Variants in ABHD18 observed in about 807,000 individuals in gnomAD.
ABHD18 encodes abhydrolase domain containing 18.
ABHD18 carries 55 observed loss-of-function variants against 65.9 expected under a neutral mutation model. The observed-to-expected ratio is 0.84, with a 90% CI of 0.67 to 1.05. The LOEUF is 1.05. ABHD18 is among the 50% of genes least tolerant of loss of function. The pLI is 0.00. For synonymous variants in ABHD18, 181 were observed against 180.2 expected, an observed-to-expected ratio of 1.00 and a Z score of -0.04; for missense variants, 533 against 558.5, an observed-to-expected ratio of 0.95 and a Z score of 0.46.
chr4:127,967,549 T>G (rs1745858332), intron 1 of ABHD18, among the ~76,000 whole-genome samples: 1 of 152,156 alleles, frequency 6.6e-6, no homozygotes, highest in South Asian at 2.1e-4. Flanking sequence ...TTAAGGTGGC[T>G]TACTCAAGGT....
rs551864924 is a variant in ABHD18 at position 128,016,104 on chromosome 4, C to T, written c.471-1259C>T. Among the ~76,000 whole-genome samples the T allele has an allele frequency of 2.6e-5, 4 of 151,966 alleles. No homozygotes were observed. The South Asian group carries it at 8.3e-4, about 31-fold the overall frequency. ...GAGTAGCTGAGATTACAGGCGCGTGCCACCACGCCCAGCTAATTTTTGTAT... is the reference window on the plus strand; with the variant it reads ...GAGTAGCTGAGATTACAGGCGCGTGTCACCACGCCCAGCTAATTTTTGTAT... On this transcript the variant is annotated intron_variant, in intron 7 of 12. Transcript: ENST00000645843.
intron 1 of ABHD18, among the ~76,000 whole-genome samples, chr4:127,973,855 A>G (rs1186816645): frequency 2.0e-5 from 3 of 149,118 alleles, no homozygotes; most frequent in African/African-American, 7.4e-5. Flanking sequence ...ATTGAAGCTC[A>G]TAGTCCCACA....
chr4:128,023,776 C>T (rs1042104512), intron 10 of ABHD18, among the ~76,000 whole-genome samples: 1 of 152,066 alleles, frequency 6.6e-6, no homozygotes, highest in Non-Finnish European at 1.5e-5. Flanking sequence ...CCCAGCTACT[C>T]GGGAGGCTGA....
At chr4:127,974,205 T>TG (rs1560818140) in intron 1 of ABHD18, among the ~76,000 whole-genome samples, 3 of 145,382 alleles carry the variant, frequency 2.1e-5, no homozygotes, top group African/African-American at 7.7e-5. Context: ...TTTTTTTTTT[T>TG]TTTTTTTTTT....
At chr4:127,987,536 C>T (rs1367519230) in intron 3 of ABHD18, among the ~76,000 whole-genome samples, 1 of 151,604 alleles carries the variant, frequency 6.6e-6, no homozygotes, top group Non-Finnish European at 1.5e-5. Flanking sequence ...CTGGCAAAAC[C>T]CCATCTCTAC....
At chr4:128,018,142 C>A (rs547004506) in intron 8 of ABHD18, among the ~76,000 whole-genome samples, 4 of 152,264 alleles carry the variant, frequency 2.6e-5, no homozygotes, top group African/African-American at 9.6e-5. Context: ...AGCTGTGACA[C>A]CCAGCCTTAC....
In ABHD18 at chr4:128,017,210, G is replaced by T. The variant is rs1324957928; in HGVS notation, c.471-153G>T. ...TGGGATTACAGGCGTAAGCCATCAC[G>T]CCTGGCCCTAATTCCAATTTATTAC... On this transcript the variant is annotated intron_variant, in intron 7 of 12. Transcript: ENST00000645843. The T allele has an allele frequency of 7.3e-6, 5 of 689,358 alleles. No individual in the cohort carries two copies. In the Admixed American group the frequency reaches 8.7e-5, roughly 12 times the overall value. 42.7% of individuals were successfully genotyped at this position (689,358 alleles called of 1,614,324 possible).
chr4:127,980,191 T>G (rs1424712259), intron 1 of ABHD18, among the ~76,000 whole-genome samples: 1 of 152,118 alleles, frequency 6.6e-6, no homozygotes, highest in Non-Finnish European at 1.5e-5. Flanking sequence ...ATTAATGGTA[T>G]TATTTTGGAA....
intron 1 of ABHD18, among the ~76,000 whole-genome samples, chr4:127,973,521 G>A (rs1011974718): frequency 2.0e-5 from 3 of 151,946 alleles, no homozygotes; most frequent in African/African-American, 7.3e-5. Context: ...TTTCTAAGGT[G>A]GCCCTCAAGA....
chr4:128,030,360 C>T (rs909806233), intron 11 of ABHD18, 150 bp from the exon 12 acceptor site: 3 of 481,144 alleles, frequency 6.2e-6, no homozygotes, highest in Non-Finnish European at 1.0e-5. Context: ...ATATTTATCT[C>T]GTACTGGAGA....
chr4:127,970,026 A>G (rs1277417546), intron 1 of ABHD18, among the ~76,000 whole-genome samples: 2 of 151,656 alleles, frequency 1.3e-5, no homozygotes, highest in Admixed American at 6.6e-5. Context: ...TAGGATTACA[A>G]TCATGAGCCA....
chr4:127,970,944 A>G (rs1471202101), intron 1 of ABHD18, among the ~76,000 whole-genome samples: 1 of 151,814 alleles, frequency 6.6e-6, no homozygotes, highest in African/African-American at 2.4e-5. Flanking sequence ...AAGTGGTGGT[A>G]CATGCCTGTA....
chr4:128,014,179 C>T (rs988634495), intron 7 of ABHD18, among the ~76,000 whole-genome samples: 28 of 151,752 alleles, frequency 1.8e-4, no homozygotes, highest in African/African-American at 6.5e-4. Context: ...GACAGGGTTT[C>T]TCCATGTTGG....
chr4:128,006,065 T>G (rs1193849597), intron 4 of ABHD18, among the ~76,000 whole-genome samples: 1 of 152,188 alleles, frequency 6.6e-6, no homozygotes, highest in Non-Finnish European at 1.5e-5. Flanking sequence ...CAGTCAGCTG[T>G]GGCAGAGGAG....
At position 127,979,429 on chromosome 4, in the gene ABHD18, C is replaced by A. The variant is rs113449487; in HGVS notation, c.-17-3510C>A. Among the ~76,000 whole-genome samples, 604 of 152,250 alleles carry A rather than the reference C, an allele frequency of 4.0e-3. 7 individuals carry two copies. Among genetic ancestry groups the A allele is most frequent in the African/African-American group, 0.014 (580 of 41,554 alleles). ...AATTAGCCAGGCGTGGTGGCGGGCA[C>A]CTGTAGTCCCAGCTACTCGGGAGGC... On this transcript the variant is annotated intron_variant, in intron 1 of 12. Coordinates refer to ENST00000645843, the MANE Select transcript of ABHD18 (RefSeq NM_001358451.3).
At chr4:128,033,959 C>CT (rs996416880) in intron 12 of ABHD18, among the ~76,000 whole-genome samples, 5,100 of 123,454 alleles carry the variant, frequency 0.041, 146 homozygotes, top group South Asian at 0.052. Context: ...TTTCTTTTTT[C>CT]TTTTTTTTTT....
chr4:128,002,558 G>A (rs961438667), intron 4 of ABHD18, among the ~76,000 whole-genome samples: 5 of 150,656 alleles, frequency 3.3e-5, no homozygotes, highest in African/African-American at 1.2e-4. Flanking sequence ...GGGATTACAG[G>A]TGTGAGGCAC....
chr4:128,035,285 A>G (rs72618824), intron 12 of ABHD18, among the ~76,000 whole-genome samples: 6,401 of 152,212 alleles, frequency 0.042, 361 homozygotes, highest in East Asian at 0.27. Flanking sequence ...TCCCTCATAA[A>G]TTGGAAGTAT....
intron 1 of ABHD18, among the ~76,000 whole-genome samples, chr4:127,975,973 G>A (rs1747842007): frequency 6.6e-6 from 1 of 151,992 alleles, no homozygotes; most frequent in Non-Finnish European, 1.5e-5. Flanking sequence ...TTACAGACAT[G>A]TGCTGCCACA....
Sources: allele counts gnomAD v4.1 joint callset (sites outside exome capture counted in the v4.1 genomes callset), GRCh38; gene constraint gnomAD v4.1.1; transcripts MANE v1.5; gene names NCBI Gene and HGNC (gene_info 2026-07-23, HGNC 2026-07-21).